The following ERO1A variants were observed in gnomAD, a reference collection of about 807,000 sequenced individuals.
The protein encoded by ERO1A is ERO1-like protein alpha.
In ERO1A, 49 loss-of-function variants were observed where a neutral mutation model predicts 76.9. The observed-to-expected ratio is 0.64, with a 90% CI of 0.51 to 0.81. The LOEUF is 0.81. Among genes scored for constraint, ERO1A ranks in the 30% least tolerant of loss-of-function variants. ERO1A has a pLI of 0.00. For synonymous variants in ERO1A, 174 were observed against 181.2 expected (o/e 0.96, Z 0.32); for missense variants, 448 against 542.1 (o/e 0.83, Z 1.72).
At chr14:52,655,480 G>C (rs542834107) in intron 11 of ERO1A, among the ~76,000 whole-genome samples, 42 of 152,130 alleles carry the variant, frequency 2.8e-4, no homozygotes, top group Non-Finnish European at 5.0e-4. Context: ...TAAATTTAAT[G>C]TTCTATGATA....
chr14:52,695,540 G>C lies in ERO1A; in HGVS notation c.-59C>G, dbSNP rs1030260683. 4.3e-5 allele frequency: 55 copies of C among 1,268,064 alleles called. No individual in the cohort carries two copies. The highest frequency in any genetic ancestry group is 5.7e-5 in the Non-Finnish European group (54 of 953,112). The allele number at this position is 1,268,064 out of a possible 1,614,324, so 78.6% of individuals were successfully genotyped here. On this transcript the variant is annotated 5_prime_UTR_variant, in exon 1 of 16. Transcript: ENST00000395686. ...GAGGCCAGTCCGCACGCTCGGTCGC[G>C]GGCCGTGCGCCCTCAGATGAAGCCC...
intron 13 of ERO1A, among the ~76,000 whole-genome samples, chr14:52,647,494 ATC>A (rs1198731622): frequency 6.6e-6 from 1 of 152,106 alleles, no homozygotes; most frequent in African/African-American, 2.4e-5. Context: ...CCCTCATGTT[ATC>A]TCTCGAGTCC....
At chr14:52,691,829 A>G (rs1271392536) in intron 1 of ERO1A, among the ~76,000 whole-genome samples, 1 of 152,254 alleles carries the variant, frequency 6.6e-6, no homozygotes, top group African/African-American at 2.4e-5. Flanking sequence ...ATCGTGAGCC[A>G]CCATGCCTGG....
chr14:52,662,049 C>A (rs2040250317), intron 8 of ERO1A, among the ~76,000 whole-genome samples: 1 of 151,332 alleles, frequency 6.6e-6, no homozygotes, highest in Non-Finnish European at 1.5e-5. Context: ...GTTTTGATAC[C>A]TGATTTTCCT....
At chr14:52,664,646 T>G (rs2040341810) in intron 7 of ERO1A, among the ~76,000 whole-genome samples, 1 of 152,152 alleles carries the variant, frequency 6.6e-6, no homozygotes. Context: ...GTAATACAAA[T>G]CTAACAAATG....
chr14:52,679,867 A>G (rs969240551), intron 3 of ERO1A, among the ~76,000 whole-genome samples: 1 of 152,096 alleles, frequency 6.6e-6, no homozygotes, highest in Non-Finnish European at 1.5e-5. Flanking sequence ...AGTGGACAAC[A>G]TGGTGAAACC....
intron 13 of ERO1A, among the ~76,000 whole-genome samples, chr14:52,649,921 G>T (rs1273768563): frequency 1.3e-5 from 2 of 152,102 alleles, no homozygotes; most frequent in African/African-American, 2.4e-5. Flanking sequence ...TAAATATTTT[G>T]ATGAAATCAG....
At position 52,695,483 on chromosome 14, in the gene ERO1A, G is replaced by T. The variant is rs1247875101; in HGVS notation, c.-2C>A. 6.7e-7 allele frequency: 1 copy of T among 1,496,016 alleles called. No individual in the cohort carries two copies. Among genetic ancestry groups the T allele is most frequent in the Non-Finnish European group, 8.9e-7 (1 of 1,117,602 alleles). The allele number at this position is 1,496,016 out of a possible 1,614,324, so 92.7% of individuals were successfully genotyped here. ...CAAGAATCCCCAGCCGCGGCCCATT[G>T]CAGCTCCGGCAGCTTGTCGCCCCAC... On this transcript the variant is annotated 5_prime_UTR_variant, in exon 1 of 16. Transcript: ENST00000395686.
chr14:52,645,257 TTCAA>T (rs1337209271), intron 15 of ERO1A, among the ~76,000 whole-genome samples: 1 of 151,788 alleles, frequency 6.6e-6, no homozygotes, highest in Non-Finnish European at 1.5e-5. Context: ...AATATTAAAA[TTCAA>T]TGAGTAATTA....
At chr14:52,660,097 G>C (rs1172590513) in intron 9 of ERO1A, among the ~76,000 whole-genome samples, 1 of 151,980 alleles carries the variant, frequency 6.6e-6, no homozygotes, top group African/African-American at 2.4e-5. Flanking sequence ...GCCTTCCAAA[G>C]TACTGGGATT....
intron 5 of ERO1A, 29 bp from the exon 6 acceptor site, chr14:52,671,732 T>C: frequency 6.3e-7 from 1 of 1,581,322 alleles, no homozygotes; most frequent in Non-Finnish European, 8.6e-7. Context: ...AATAACATTA[T>C]TATTTTTAAG....
At position 52,641,445 on chromosome 14, in the gene ERO1A, C is replaced by CAAAAAAAAAA. The variant is rs1218261101; in HGVS notation, c.*2115_*2124dup. The CAAAAAAAAAA allele has an allele frequency of 1.3e-5, 1 of 74,840 alleles. No homozygotes were observed. Among genetic ancestry groups the CAAAAAAAAAA allele is most frequent in the East Asian group, 3.1e-4 (1 of 3,198 alleles). The allele number at this position is 74,840 out of a possible 1,614,324, so 4.6% of individuals were successfully genotyped here. A position where few individuals can be genotyped will look rare whatever the true frequency, so the allele number is the denominator to read the frequency against. Reference sequence around the variant, plus strand: ...TGAAACACTGCCTCTACTAAAAATACAAAAAAAAAAAAAAAAAAATTAGCC... The same window carrying CAAAAAAAAAA: ...TGAAACACTGCCTCTACTAAAAATACAAAAAAAAAAAAAAAAAAAAAAAAAAAAATTAGCC... On this transcript the variant is annotated 3_prime_UTR_variant, in exon 16 of 16. Transcript: ENST00000395686.
At chr14:52,679,701 C>T (rs1159194857) in intron 3 of ERO1A, among the ~76,000 whole-genome samples, 2 of 151,986 alleles carry the variant, frequency 1.3e-5, no homozygotes, top group Non-Finnish European at 2.9e-5. Context: ...CCTGGCCTTC[C>T]AATGATCTTT....
chr14:52,671,165 C>G (rs1364196517), intron 6 of ERO1A, among the ~76,000 whole-genome samples: 1 of 152,160 alleles, frequency 6.6e-6, no homozygotes, highest in Non-Finnish European at 1.5e-5. Context: ...GTAGTATGTA[C>G]CAGAACTTCA....
At chr14:52,693,669 AT>A (rs974208461) in intron 1 of ERO1A, among the ~76,000 whole-genome samples, 1 of 150,890 alleles carries the variant, frequency 6.6e-6, no homozygotes, top group East Asian at 2.0e-4. Context: ...TCTTTTTTTA[AT>A]TTTTTTTGTA....
intron 3 of ERO1A, 45 bp from the exon 4 acceptor site, chr14:52,678,517 T>C (rs1159219838): frequency 1.4e-6 from 2 of 1,455,272 alleles, no homozygotes; most frequent in South Asian, 2.4e-5. Flanking sequence ...TTATTCTATC[T>C]TCTTAAAACA....
In ERO1A at chr14:52,643,145, G is replaced by A. The variant is rs1385469526; in HGVS notation, c.*425C>T. Reference sequence around the variant, plus strand: ...TAAATCCAGCAACCCTAAATGTACTGAAAAATTCTACGTTGGTAATTATGG... The same window carrying A: ...TAAATCCAGCAACCCTAAATGTACTAAAAAATTCTACGTTGGTAATTATGG... On this transcript the variant is annotated 3_prime_UTR_variant, in exon 16 of 16. Transcript: ENST00000395686. The A allele has an allele frequency of 1.3e-5, 2 of 152,560 alleles. No individual in the cohort carries two copies. The highest frequency in any genetic ancestry group is 2.9e-5 in the Non-Finnish European group (2 of 68,348). 9.5% of individuals were successfully genotyped at this position (152,560 alleles called of 1,614,324 possible).
intron 4 of ERO1A, among the ~76,000 whole-genome samples, chr14:52,673,972 T>G (rs535212738): frequency 1.6e-4 from 25 of 152,356 alleles, no homozygotes; most frequent in African/African-American, 6.0e-4. Flanking sequence ...TATTTGTATA[T>G]TTTTATTACA....
chr14:52,649,539 G>A (rs2039780712), intron 13 of ERO1A, among the ~76,000 whole-genome samples: 1 of 152,010 alleles, frequency 6.6e-6, no homozygotes. Context: ...CATTAAAGGT[G>A]AGTGTTTCCG....
Sources: allele counts gnomAD v4.1 joint callset (sites outside exome capture counted in the v4.1 genomes callset), GRCh38; gene constraint gnomAD v4.1.1; transcripts MANE v1.5; gene names NCBI Gene and HGNC (gene_info 2026-07-23, HGNC 2026-07-21).